PTPRO: variants seen among roughly 807,000 people sequenced by gnomAD.
PTPRO encodes protein tyrosine phosphatase receptor type O.
PTPRO carries 62 observed loss-of-function variants against 145.2 expected under a neutral mutation model. That is an observed-to-expected ratio of 0.43 (90% confidence interval 0.35 to 0.53). PTPRO has a LOEUF of 0.53. PTPRO is among the 20% of genes least tolerant of loss of function. The pLI is 0.01. For synonymous variants in PTPRO, 565 were observed against 514.7 expected, an observed-to-expected ratio of 1.10 and a Z score of -1.32; for missense variants, 1,345 against 1,482.7, an observed-to-expected ratio of 0.91 and a Z score of 1.53.
chr12:15,382,159 AATAT>A (rs144742152), intron 1 of PTPRO, among the ~76,000 whole-genome samples: 1 of 145,724 alleles, frequency 6.9e-6, no homozygotes, highest in African/African-American at 2.5e-5. Flanking sequence ...AAAAGTGAGA[AATAT>A]ATATATATAT....
At chr12:15,540,927 G>A (rs1238850489) in intron 12 of PTPRO, among the ~76,000 whole-genome samples, 1 of 152,206 alleles carries the variant, frequency 6.6e-6, no homozygotes, top group Non-Finnish European at 1.5e-5. Flanking sequence ...GAGAGGCATG[G>A]AATGAGAGAG....
intron 1 of PTPRO, among the ~76,000 whole-genome samples, chr12:15,435,074 TAGC>T (rs1940557851): frequency 6.6e-6 from 1 of 152,142 alleles, no homozygotes; most frequent in South Asian, 2.1e-4. Flanking sequence ...TTCCCTAACT[TAGC>T]AGAGAAGATC....
chr12:15,438,145 A>G (rs973186161), intron 1 of PTPRO, among the ~76,000 whole-genome samples: 2 of 152,194 alleles, frequency 1.3e-5, no homozygotes, highest in Non-Finnish European at 2.9e-5. Flanking sequence ...GTCACACCCC[A>G]TAAAGCACGT....
chr12:15,422,831 G>A (rs552435066), intron 1 of PTPRO, among the ~76,000 whole-genome samples: 115 of 152,274 alleles, frequency 7.6e-4, no homozygotes, highest in African/African-American at 2.5e-3. Context: ...AAAGCACTGA[G>A]TACTTTAGCA....
At chr12:15,399,631 A>G (rs1288122955) in intron 1 of PTPRO, among the ~76,000 whole-genome samples, 2 of 152,194 alleles carry the variant, frequency 1.3e-5, no homozygotes, top group Non-Finnish European at 2.9e-5. Context: ...TTCATGTATA[A>G]AGATTATCAC....
At position 15,460,178 on chromosome 12, in the gene PTPRO, G is replaced by A. The variant is rs560682450; in HGVS notation, c.76-23796G>A. On this transcript the variant is annotated intron_variant, in intron 1 of 26. Coordinates refer to ENST00000281171, the MANE Select transcript of PTPRO (RefSeq NM_030667.3). ...CTTACCCTAGATGGCTCAGGATCTT[G>A]CTGGTGGAACTATTTATGCCTGCAA... Among the ~76,000 whole-genome samples, 6 of 152,266 alleles carry A rather than the reference G, an allele frequency of 3.9e-5. No homozygotes were observed. In the South Asian group the frequency reaches 1.2e-3, roughly 32 times the overall value.
At chr12:15,581,386 C>T (rs767695238) in intron 22 of PTPRO, among the ~76,000 whole-genome samples, 15 of 147,350 alleles carry the variant, frequency 1.0e-4, no homozygotes, top group Non-Finnish European at 1.8e-4. Flanking sequence ...CTGCAAACCT[C>T]TGCCTCCCAG....
rs11056499 is a variant in PTPRO at position 15,450,824 on chromosome 12, C to T, written c.76-33150C>T. 5.4e-3 allele frequency among the ~76,000 whole-genome samples: 814 copies of T among 152,110 alleles called. 52 individuals carry two copies. The East Asian group carries it at 0.14, about 26-fold the overall frequency. ...AACTACCAAGCCAGCACTACAAGAA[C>T]TGCTAAAAGGAGCTCTAAATCTTGA... On this transcript the variant is annotated intron_variant, in intron 1 of 26. Transcript: ENST00000281171.
At chr12:15,339,062 TA>T (rs1417718746) in intron 1 of PTPRO, among the ~76,000 whole-genome samples, 6 of 152,182 alleles carry the variant, frequency 3.9e-5, no homozygotes, top group Non-Finnish European at 1.5e-5. Flanking sequence ...TATTAGTTTA[TA>T]AATGAATGAG....
At chr12:15,517,050 G>C in intron 9 of PTPRO, 94 bp downstream of exon 9, 2 of 1,229,814 alleles carry the variant, frequency 1.6e-6, no homozygotes, top group Non-Finnish European at 2.4e-6. Flanking sequence ...CTATAAATTT[G>C]ATTATTTTGT....
intron 1 of PTPRO, among the ~76,000 whole-genome samples, chr12:15,480,143 T>C (rs374739456): frequency 1.3e-5 from 2 of 152,236 alleles, no homozygotes; most frequent in East Asian, 3.8e-4. Flanking sequence ...TTACTTGTTT[T>C]GTTGTTTCTA....
At chr12:15,439,877 G>A (rs768086574) in intron 1 of PTPRO, 36 of 643,996 alleles carry the variant, frequency 5.6e-5, no homozygotes, top group South Asian at 1.2e-4. Context: ...GACCCACGTC[G>A]GCCAGCACAC....
intron 1 of PTPRO, among the ~76,000 whole-genome samples, chr12:15,334,964 T>G (rs1866713779): frequency 6.6e-6 from 1 of 152,166 alleles, no homozygotes; most frequent in Admixed American, 6.5e-5. Context: ...AGAATTAAGC[T>G]AATTGTCACA....
At chr12:15,548,992 T>C in intron 13 of PTPRO, 102 bp from the exon 14 acceptor site, 1 of 1,303,998 alleles carries the variant, frequency 7.7e-7, no homozygotes, top group Non-Finnish European at 1.1e-6. Context: ...ATCTTATACA[T>C]TTTTTACTCT....
chr12:15,517,848 C>T (rs776290047), intron 9 of PTPRO, among the ~76,000 whole-genome samples: 4 of 152,224 alleles, frequency 2.6e-5, no homozygotes, highest in Non-Finnish European at 5.9e-5. Flanking sequence ...TATCCCCCCT[C>T]CTGGCTGCAT....
At chr12:15,375,685 G>A (rs1346590063) in intron 1 of PTPRO, among the ~76,000 whole-genome samples, 1 of 150,918 alleles carries the variant, frequency 6.6e-6, no homozygotes, top group East Asian at 2.0e-4. Context: ...GAACCTGGGA[G>A]GCAGAGGTTG....
rs566035891 is a variant in PTPRO at position 15,449,060 on chromosome 12, C to A, written c.76-34914C>A. On this transcript the variant is annotated intron_variant, in intron 1 of 26. Coordinates refer to ENST00000281171, the MANE Select transcript of PTPRO (RefSeq NM_030667.3). ...AAACGATTCGCAAATAGGGCATCCCCCAGAATCACAGCAGATTCACAGAGA... is the reference window on the plus strand; with the variant it reads ...AAACGATTCGCAAATAGGGCATCCCACAGAATCACAGCAGATTCACAGAGA... 5.3e-5 allele frequency among the ~76,000 whole-genome samples: 8 copies of A among 151,600 alleles called. No homozygotes were observed. The South Asian group carries it at 1.7e-3, about 32-fold the overall frequency.
intron 17 of PTPRO, among the ~76,000 whole-genome samples, chr12:15,564,649 T>C (rs1477190879): frequency 2.6e-5 from 4 of 152,302 alleles, no homozygotes; most frequent in Admixed American, 6.5e-5. Flanking sequence ...TAAATAAATA[T>C]TTGGACACAT....
intron 1 of PTPRO, among the ~76,000 whole-genome samples, chr12:15,450,250 T>C (rs1426051355): frequency 2.6e-5 from 4 of 152,218 alleles, no homozygotes; most frequent in Non-Finnish European, 4.4e-5. Context: ...GAAAAGGTTT[T>C]GTACTATGAG....
Sources: gnomAD v4.1 joint callset for allele counts (sites outside exome capture counted in the v4.1 genomes callset) on GRCh38, gnomAD v4.1.1 for gene constraint, MANE v1.5 for transcripts, NCBI Gene and HGNC (gene_info 2026-07-23, HGNC 2026-07-21) for gene names.